Variants in KIRREL3 observed in about 807,000 individuals in gnomAD.
The protein encoded by KIRREL3 is kirre like nephrin family adhesion molecule 3.
KIRREL3 carries 36 observed loss-of-function variants against 89.7 expected under a neutral mutation model. The observed-to-expected ratio is 0.40, with a 90% CI of 0.31 to 0.53. The LOEUF (loss-of-function observed/expected upper bound fraction) is 0.53. KIRREL3 is among the 20% of genes least tolerant of loss of function. The probability of loss-of-function intolerance (pLI) is 0.49; values close to 1 mark genes in which losing one functional copy is unlikely to be tolerated. For missense variants in KIRREL3, 864 were observed against 1,056.6 expected, an observed-to-expected ratio of 0.82 and a Z score of 2.53; for synonymous variants, 445 against 441.4, an observed-to-expected ratio of 1.01 and a Z score of -0.10.
intron 1 of KIRREL3, among the ~76,000 whole-genome samples, chr11:126,832,253 G>A (rs933415919): frequency 6.6e-6 from 1 of 152,120 alleles, no homozygotes; most frequent in African/African-American, 2.4e-5. Context: ...TCAGTGCTGG[G>A]TTAAACGTGC....
At chr11:126,743,207 T>A (rs1435544900) in intron 1 of KIRREL3, among the ~76,000 whole-genome samples, 2 of 151,992 alleles carry the variant, frequency 1.3e-5, no homozygotes, top group Non-Finnish European at 2.9e-5. Context: ...GACTTGGGGA[T>A]GGGAGGTGGG....
chr11:126,583,284 T>G (rs371328759), intron 1 of KIRREL3, among the ~76,000 whole-genome samples: 1 of 152,196 alleles, frequency 6.6e-6, no homozygotes, highest in African/African-American at 2.4e-5. Context: ...TGCCAGCAGC[T>G]CTAGGGCAAT....
chr11:126,563,335 G>A lies in KIRREL3; in HGVS notation c.56-423C>T, dbSNP rs892798345. 6.6e-6 allele frequency among the ~76,000 whole-genome samples: 1 copy of A among 152,184 alleles called. No individual in the cohort carries two copies. The highest frequency in any genetic ancestry group is 6.5e-5 in the Admixed American group (1 of 15,278). On this transcript the variant is annotated intron_variant, in intron 1 of 16. Transcript: ENST00000525144. This position sits in a 1 kb window ranked among gnomAD's most constrained non-coding sequence, Gnocchi z 6.8. ...CTTGGGACTGTGGCCAGACCTGCCA[G>A]GGATGATGCAGAATCTATCCAGTCG...
In KIRREL3 at chr11:126,954,314, C is replaced by T. The variant is rs141614172; in HGVS notation, c.55+46141G>A. Among the ~76,000 whole-genome samples, 139 of 151,454 alleles carry T rather than the reference C, an allele frequency of 9.2e-4. 1 individual carries two copies. The highest frequency in any genetic ancestry group is 3.4e-3 in the Middle Eastern group (1 of 292). On this transcript the variant is annotated intron_variant, in intron 1 of 16. Transcript: ENST00000525144. The surrounding 1 kb of genome is among the most constrained non-coding windows in gnomAD (Gnocchi z 4.1). ...CAGTTGACATTTTATTTTATAGTCA[C>T]GTTAGAGTTGAGTTCAGACTTATTT...
intron 1 of KIRREL3, among the ~76,000 whole-genome samples, chr11:126,726,373 C>CTT (rs141275304): frequency 2.0e-5 from 3 of 151,806 alleles, no homozygotes; most frequent in African/African-American, 7.3e-5. Flanking sequence ...AAGATGCCTC[C>CTT]TTTTTTTCTT....
chr11:126,821,134 T>C (rs1943199766), intron 1 of KIRREL3, among the ~76,000 whole-genome samples: 1 of 151,882 alleles, frequency 6.6e-6, no homozygotes, highest in Non-Finnish European at 1.5e-5. Context: ...AAGGCTTTAG[T>C]GGATATGAGA....
At position 126,454,110 on chromosome 11, in the gene KIRREL3, C is replaced by T. The variant is rs12801097; in HGVS notation, c.848+2239G>A. 0.45 allele frequency among the ~76,000 whole-genome samples: 69,055 copies of T among 152,064 alleles called. 16,612 individuals are homozygous for T. The highest frequency in any genetic ancestry group is 0.58 in the East Asian group (2,963 of 5,150). ...CCCTCCCATCGCCCGGATTCACCAG[C>T]TGTTAACATTTTCTCACGCGTGCTT... On this transcript the variant is annotated intron_variant, in intron 7 of 16. Transcript: ENST00000525144. The surrounding 1 kb of genome is among the most constrained non-coding windows in gnomAD (Gnocchi z 5.8).
In KIRREL3 at chr11:126,650,026, G is replaced by A. The variant is rs187239540; in HGVS notation, c.56-87114C>T. ...CTCTCAGGCTCAACACCACATGGAA[G>A]CTGCCAAGGCTTGGGGCTTGCACCC... On this transcript the variant is annotated intron_variant, in intron 1 of 16. Coordinates refer to ENST00000525144, the MANE Select transcript of KIRREL3 (RefSeq NM_032531.4). 6.7e-4 allele frequency among the ~76,000 whole-genome samples: 102 copies of A among 152,358 alleles called. No homozygotes were observed. In the East Asian group the frequency reaches 0.019, roughly 28 times the overall value.
chr11:126,431,463 A>C lies in KIRREL3; in HGVS notation c.1652T>G (p.Leu551Arg). ...GCAGAACGCCACGATGGTTGCCATA[A>C]GGACGAGGAAGGCCACACCAGCTCC... ...AVGAGVAFLV[L>R]MATIVAFCCA... Residue 551 changes from leucine (L) to arginine (R), a missense_variant, in exon 14 of 17, where the codon CTT (leucine) becomes CGT (arginine). Coordinates refer to ENST00000525144, the MANE Select transcript of KIRREL3 (RefSeq NM_032531.4). This position sits in a 1 kb window ranked among gnomAD's most constrained non-coding sequence, Gnocchi z 7.1. 1 of 1,614,038 alleles carries C rather than the reference A, an allele frequency of 6.2e-7. No homozygotes were observed. Among genetic ancestry groups the C allele is most frequent in the Non-Finnish European group, 8.5e-7 (1 of 1,179,888 alleles).
intron 11 of KIRREL3, among the ~76,000 whole-genome samples, chr11:126,438,400 G>A (rs1012491751): frequency 5.3e-5 from 8 of 152,206 alleles, no homozygotes; most frequent in Admixed American, 1.3e-4. Context: ...TCTCAAGCTT[G>A]CTGCTATTGT....
intron 4 of KIRREL3, among the ~76,000 whole-genome samples, chr11:126,479,443 T>C (rs1591609509): frequency 6.6e-6 from 1 of 152,256 alleles, no homozygotes; most frequent in East Asian, 1.9e-4. Flanking sequence ...TCCAGGCCAG[T>C]GCCCAAGACG....
intron 1 of KIRREL3, among the ~76,000 whole-genome samples, chr11:126,819,353 G>C (rs1468378374): frequency 6.6e-6 from 1 of 152,182 alleles, no homozygotes; most frequent in African/African-American, 2.4e-5. Flanking sequence ...GAGGACAAGG[G>C]AAGCAACTAC....
In KIRREL3 at chr11:126,696,447, C is replaced by T. The variant is rs1162139292; in HGVS notation, c.56-133535G>A. The stretch of plus-strand genomic sequence containing the variant: ...CTGCCTTTGCCCAATCCCCAGCCTT[C>T]TATGAGATACCACATGCAGCCTGCA... On this transcript the variant is annotated intron_variant, in intron 1 of 16. Coordinates refer to ENST00000525144, the MANE Select transcript of KIRREL3 (RefSeq NM_032531.4). This position sits in a 1 kb window ranked among gnomAD's most constrained non-coding sequence, Gnocchi z 4.4. Among the ~76,000 whole-genome samples the T allele has an allele frequency of 1.3e-5, 2 of 152,152 alleles. No individual in the cohort carries two copies. Among genetic ancestry groups the T allele is most frequent in the Non-Finnish European group, 2.9e-5 (2 of 68,026 alleles).
At chr11:126,500,097 C>G (rs1255575233) in intron 4 of KIRREL3, among the ~76,000 whole-genome samples, 1 of 152,168 alleles carries the variant, frequency 6.6e-6, no homozygotes, top group Non-Finnish European at 1.5e-5. Context: ...TTCTGGGAAG[C>G]CGACCTCTAG....
chr11:126,678,222 C>T (rs1187374060), intron 1 of KIRREL3, among the ~76,000 whole-genome samples: 1 of 152,142 alleles, frequency 6.6e-6, no homozygotes, highest in African/African-American at 2.4e-5. Context: ...CCATCTTCTC[C>T]CTTGCTATAC....
rs982625206 is a variant in KIRREL3, at chr11:126,734,387, G to A, written c.56-171475C>T. On this transcript the variant is annotated intron_variant, in intron 1 of 16. Transcript: ENST00000525144. The surrounding 1 kb of genome is among the most constrained non-coding windows in gnomAD (Gnocchi z 5.9). Reference sequence around the variant, plus strand: ...TGTTTACTTAAGAAATATTTGGCCAGGCGCGGTGGCTCATGCATGTAATCC... The same window carrying A: ...TGTTTACTTAAGAAATATTTGGCCAAGCGCGGTGGCTCATGCATGTAATCC... Among the ~76,000 whole-genome samples, 1 of 152,160 alleles carries A rather than the reference G, an allele frequency of 6.6e-6. No homozygotes were observed. The highest frequency in any genetic ancestry group is 2.4e-5 in the African/African-American group (1 of 41,432).
chr11:126,865,471 G>A (rs1054642264), intron 1 of KIRREL3, among the ~76,000 whole-genome samples: 7 of 152,204 alleles, frequency 4.6e-5, no homozygotes, highest in African/African-American at 7.2e-5. Context: ...TCGGGTTATC[G>A]AAGCAACAAT....
At position 126,491,368 on chromosome 11, in the gene KIRREL3, C is replaced by T. The variant is rs1957508843; in HGVS notation, c.434-17902G>A. ...CTTTATTGTGTGATGGGTGGGGACA[C>T]TTGCTCTCAGGGGGAAAGAAAGCGC... On this transcript the variant is annotated intron_variant, in intron 4 of 16. Transcript: ENST00000525144. This position sits in a 1 kb window ranked among gnomAD's most constrained non-coding sequence, Gnocchi z 5.5. Among the ~76,000 whole-genome samples the T allele has an allele frequency of 6.6e-6, 1 of 152,166 alleles. No individual in the cohort carries two copies. The highest frequency in any genetic ancestry group is 6.5e-5 in the Admixed American group (1 of 15,282).
intron 1 of KIRREL3, among the ~76,000 whole-genome samples, chr11:126,858,123 T>C (rs968097489): frequency 2.0e-5 from 3 of 152,188 alleles, no homozygotes; most frequent in Admixed American, 6.5e-5. Flanking sequence ...GGGCTCATGC[T>C]GGGAAGCAAT....
Sources: allele counts gnomAD v4.1 joint callset (sites outside exome capture counted in the v4.1 genomes callset), GRCh38; gene constraint gnomAD v4.1.1; non-coding constraint Gnocchi (gnomAD v3.1); transcripts MANE v1.5; gene names NCBI Gene and HGNC (gene_info 2026-07-23, HGNC 2026-07-21).